The following LCMT1 variants were observed in gnomAD, a reference collection of about 807,000 sequenced individuals.
LCMT1 encodes the protein [Phosphatase 2A protein]-leucine-carboxy methyltransferase 1.
LCMT1 carries 32 observed loss-of-function variants against 47.7 expected under a neutral mutation model. The ratio of observed to expected loss-of-function variants is 0.67; its 90% CI spans 0.51 to 0.90. The LOEUF (loss-of-function observed/expected upper bound fraction) is 0.90. LCMT1 is among the 40% of genes least tolerant of loss of function. The pLI, the probability that LCMT1 is intolerant of heterozygous loss-of-function variation, is 0.00. For synonymous variants in LCMT1, 152 were observed against 149.7 expected, an observed-to-expected ratio of 1.02 and a Z score of -0.11; for missense variants, 375 against 415.2, an observed-to-expected ratio of 0.90 and a Z score of 0.84.
chr16:25,128,419 C>G, intron 1 of LCMT1, 56 bp from the exon 2 acceptor site: 1 of 1,325,590 alleles, frequency 7.5e-7, no homozygotes, highest in Admixed American at 2.1e-5. Flanking sequence ...GGCAGTGGAC[C>G]TTGGTCTGAA....
In LCMT1 at chr16:25,170,755, C is replaced by T. The variant is rs937191663; in HGVS notation, c.834C>T (p.Ala278=). The T allele has an allele frequency of 5.0e-6, 8 of 1,613,202 alleles. No homozygotes were observed. The highest frequency in any genetic ancestry group is 2.7e-5 in the African/African-American group (2 of 74,840). ...LLSNGWETAS[A]VDMMELYNRL... ...CGAATGGGTGGGAAACAGCATCGGC[C>T]GTCGACATGATGGAGTTGTACAACA... is the stretch of plus-strand genomic sequence containing the variant. Residue 278 remains alanine (A), a synonymous_variant, in exon 9 of 11, where the codon GCC becomes GCT. Coordinates refer to ENST00000399069, the MANE Select transcript of LCMT1 (RefSeq NM_016309.3).
At chr16:25,117,424 C>T (rs916386364) in intron 1 of LCMT1, among the ~76,000 whole-genome samples, 3 of 152,190 alleles carry the variant, frequency 2.0e-5, no homozygotes, top group Admixed American at 6.5e-5. Flanking sequence ...GATAGGCCGC[C>T]GGCTGGACAT....
At chr16:25,153,723 C>T (rs1002644180) in intron 5 of LCMT1, among the ~76,000 whole-genome samples, 34 of 152,188 alleles carry the variant, frequency 2.2e-4, no homozygotes, top group African/African-American at 6.5e-4. Flanking sequence ...GAGGCCGAGG[C>T]GGGTGGATCA....
chr16:25,155,387 T>TA (rs927576551), intron 5 of LCMT1, among the ~76,000 whole-genome samples: 14 of 147,444 alleles, frequency 9.5e-5, no homozygotes, highest in Non-Finnish European at 1.1e-4. Context: ...CACAAAAACA[T>TA]AAAAAAAAAA....
At chr16:25,140,097 A>T in intron 3 of LCMT1, 74 bp from the exon 4 acceptor site, 1 of 1,077,154 alleles carries the variant, frequency 9.3e-7, no homozygotes, top group Non-Finnish European at 1.4e-6. Context: ...TTAGGTGCCT[A>T]GTGCTTGATA....
chr16:25,173,997 C>T (rs538016062), intron 9 of LCMT1, among the ~76,000 whole-genome samples: 30 of 152,300 alleles, frequency 2.0e-4, no homozygotes, highest in South Asian at 6.2e-4. Flanking sequence ...CTGCAACCTC[C>T]GCCTTCCAGG....
At chr16:25,143,946 G>C (rs1050635744) in intron 4 of LCMT1, 1 of 152,250 alleles carries the variant, frequency 6.6e-6, no homozygotes, top group African/African-American at 2.4e-5. Context: ...GCTTCCTCTT[G>C]CTCTTGTTGT....
intron 3 of LCMT1, among the ~76,000 whole-genome samples, chr16:25,136,949 G>A (rs1960523025): frequency 6.6e-6 from 1 of 152,150 alleles, no homozygotes; most frequent in Non-Finnish European, 1.5e-5. Flanking sequence ...CTTTAAAAAG[G>A]AAGAAGTCCC....
intron 3 of LCMT1, among the ~76,000 whole-genome samples, chr16:25,139,674 TTTG>T (rs1276327360): frequency 6.6e-6 from 1 of 152,112 alleles, no homozygotes; most frequent in Non-Finnish European, 1.5e-5. Flanking sequence ...AGCTGCCTTT[TTTG>T]TTGTTGTTAA....
At chr16:25,136,763 T>A (rs955610389) in intron 3 of LCMT1, among the ~76,000 whole-genome samples, 2 of 152,070 alleles carry the variant, frequency 1.3e-5, no homozygotes, top group African/African-American at 4.8e-5. Flanking sequence ...GGTCTTGAAC[T>A]CCTGGCCTCA....
intron 3 of LCMT1, among the ~76,000 whole-genome samples, chr16:25,137,395 C>T (rs1960533791): frequency 6.6e-6 from 1 of 152,152 alleles, no homozygotes; most frequent in South Asian, 2.1e-4. Flanking sequence ...GGCTATACCT[C>T]TAAGTGTGAT....
chr16:25,143,162 A>G (rs1960746436), intron 4 of LCMT1: 1 of 152,094 alleles, frequency 6.6e-6, no homozygotes, highest in African/African-American at 2.4e-5. Flanking sequence ...TCGATACTGT[A>G]ATTTTTTATG....
chr16:25,151,403 G>C (rs1961075858), intron 4 of LCMT1, 151 bp from the exon 5 acceptor site: 2 of 636,076 alleles, frequency 3.1e-6, no homozygotes, highest in Non-Finnish European at 5.5e-6. Flanking sequence ...TTAAACTGAA[G>C]CCCTTTTTAG....
chr16:25,168,120 C>G (rs1036782269), intron 7 of LCMT1, among the ~76,000 whole-genome samples: 2 of 152,002 alleles, frequency 1.3e-5, no homozygotes, highest in Non-Finnish European at 2.9e-5. Context: ...GCAATCTCAG[C>G]TCACTGCAGC....
At chr16:25,116,717 C>CAAAAAAAAAA (rs61022139) in intron 1 of LCMT1, among the ~76,000 whole-genome samples, 1 of 63,526 alleles carries the variant, frequency 1.6e-5, no homozygotes. Context: ...CTCCTCTCCA[C>CAAAAAAAAAA]AAAAAAAAAA....
rs895224334 is a variant in LCMT1, at chr16:25,127,954, T to C, written c.114-521T>C. Among the ~76,000 whole-genome samples, 15 of 152,232 alleles carry C rather than the reference T, an allele frequency of 9.9e-5. 1 individual carries two copies. Among genetic ancestry groups the C allele is most frequent in the African/African-American group, 3.6e-4 (15 of 41,460 alleles). On this transcript the variant is annotated intron_variant, in intron 1 of 10. Transcript: ENST00000399069. ...CATTGTTTTGTTCGTGCTTGCTTTG[T>C]TCATTTCTTCCTAGTTTCCCCACTA...
intron 8 of LCMT1, 93 bp downstream of exon 8, chr16:25,169,306 C>A: frequency 1.2e-6 from 1 of 818,086 alleles, no homozygotes. Context: ...TGGAGAAGCC[C>A]TGTTCAGTGC....
chr16:25,123,832 C>A (rs901649034), intron 1 of LCMT1, among the ~76,000 whole-genome samples: 1 of 151,936 alleles, frequency 6.6e-6, no homozygotes, highest in African/African-American at 2.4e-5. Context: ...TGGTCTCGAA[C>A]TCCTGACCTC....
At position 25,165,359 on chromosome 16, in the gene LCMT1, G is replaced by T. The variant is rs569568409; in HGVS notation, c.690+641G>T. 2.2e-4 allele frequency among the ~76,000 whole-genome samples: 33 copies of T among 152,280 alleles called. No homozygotes were observed. The South Asian group carries it at 3.1e-3, about 14-fold the overall frequency. ...TGCTTTAGAGCTTTGGAATAGCTTG[G>T]GTTGAATCCTGGCCCTGGCTTGTGC... On this transcript the variant is annotated intron_variant, in intron 7 of 10. Transcript: ENST00000399069.
Sources: allele counts gnomAD v4.1 joint callset (sites outside exome capture counted in the v4.1 genomes callset), GRCh38; gene constraint gnomAD v4.1.1; transcripts MANE v1.5; gene names NCBI Gene and HGNC (gene_info 2026-07-23, HGNC 2026-07-21).